Variants in CLTCL1 observed in about 807,000 individuals in gnomAD.
CLTCL1 encodes the protein clathrin heavy chain like 1, also known as clathrin heavy chain 2.
In CLTCL1, 159 loss-of-function variants were observed where a neutral mutation model predicts 190.0. The observed-to-expected ratio is 0.84, with a 90% CI of 0.74 to 0.95. The LOEUF (loss-of-function observed/expected upper bound fraction) is 0.95. Among genes scored for constraint, CLTCL1 ranks in the 40% least tolerant of loss-of-function variants. The pLI is 0.00. For synonymous variants in CLTCL1, 752 were observed against 769.6 expected (o/e 0.98, Z 0.38); for missense variants, 1,878 against 2,033.4 (o/e 0.92, Z 1.47).
intron 22 of CLTCL1, among the ~76,000 whole-genome samples, chr22:19,207,297 A>G (rs887044402): frequency 7.9e-5 from 12 of 152,268 alleles, no homozygotes; most frequent in Admixed American, 7.8e-4. Context: ...GATTACAGGC[A>G]TGAGCCACCA....
chr22:19,238,030 A>G (rs1473817430), intron 5 of CLTCL1, among the ~76,000 whole-genome samples: 1 of 152,220 alleles, frequency 6.6e-6, no homozygotes, highest in Non-Finnish European at 1.5e-5. Flanking sequence ...GAAAAGGTAT[A>G]GATCTAAATT....
Position 19,233,623 on chromosome 22 carries a change from C to CT in CLTCL1, c.1168-2dup, listed in dbSNP as rs782466630. The stretch of plus-strand genomic sequence containing the variant: ...CCGTCTCTCTGGTACGCAGGATTCC[C>CT]TAATAATAAATGGAAAAATAGGTCA... On this transcript the variant is annotated splice_acceptor_variant, in intron 7 of 32. Coordinates refer to ENST00000427926, the MANE Select transcript of CLTCL1 (RefSeq NM_007098.4). LOFTEE classifies it high-confidence loss of function. The CT allele has an allele frequency of 6.2e-7, 1 of 1,612,378 alleles. No homozygotes were observed. The highest frequency in any genetic ancestry group is 2.2e-5 in the East Asian group (1 of 44,880).
chr22:19,264,607 G>A (rs886241446), intron 2 of CLTCL1, among the ~76,000 whole-genome samples: 9 of 152,214 alleles, frequency 5.9e-5, no homozygotes, highest in South Asian at 2.1e-4. Context: ...GCCAAGCTAC[G>A]CAACAACTGA....
chr22:19,264,639 A>T (rs557060037), intron 2 of CLTCL1, among the ~76,000 whole-genome samples: 8 of 152,210 alleles, frequency 5.3e-5, no homozygotes, highest in Non-Finnish European at 1.0e-4. Context: ...TATTATCATC[A>T]ATTAGCAAAA....
At chr22:19,274,952 C>T (rs2087449149) in intron 2 of CLTCL1, among the ~76,000 whole-genome samples, 1 of 152,028 alleles carries the variant, frequency 6.6e-6, no homozygotes, top group South Asian at 2.1e-4. Flanking sequence ...AGTCTTCGAA[C>T]TCCCAACCTC....
At position 19,229,910 on chromosome 22, in the gene CLTCL1, C is replaced by A. The variant is rs1012980126; in HGVS notation, c.1710G>T (p.Leu570Phe). 1 of 1,611,488 alleles carries A rather than the reference C, an allele frequency of 6.2e-7. No individual in the cohort carries two copies. Among genetic ancestry groups the A allele is most frequent in the African/African-American group, 1.3e-5 (1 of 74,764 alleles). The change falls in exon 11 of 33, where the codon TTG becomes TTT. Residue 570 changes from leucine to phenylalanine, a missense_variant. Physicochemically the swap from Leu to Phe is conservative, Grantham distance 22 (BLOSUM62 0). Transcript: ENST00000427926. ...GTCCCTCAGCTGGGCGATTATTCTTCAAGGCATCCAATAAGAAGGAAGTAC... is the reference window on the plus strand; with the variant it reads ...GTCCCTCAGCTGGGCGATTATTCTTAAAGGCATCCAATAAGAAGGAAGTAC... ...QQCTSFLLDA[L>F]KNNRPAEGLL...
intron 23 of CLTCL1, among the ~76,000 whole-genome samples, chr22:19,200,669 A>T (rs2084853552): frequency 6.6e-6 from 1 of 151,914 alleles, no homozygotes. Context: ...TGAAACCCCG[A>T]CTCTACTAAA....
intron 27 of CLTCL1, among the ~76,000 whole-genome samples, chr22:19,190,592 G>A (rs2084459682): frequency 3.6e-5 from 2 of 56,004 alleles, no homozygotes; most frequent in African/African-American, 1.1e-4. Flanking sequence ...GAGCAAGACT[G>A]TCTCAAAAAA....
At chr22:19,279,488 AT>A (rs1177418496) in intron 1 of CLTCL1, among the ~76,000 whole-genome samples, 7 of 152,160 alleles carry the variant, frequency 4.6e-5, no homozygotes, top group African/African-American at 1.4e-4. Flanking sequence ...TCCCCTCCAA[AT>A]TCTACAACAT....
At chr22:19,277,375 A>G (rs2087552949) in intron 1 of CLTCL1, among the ~76,000 whole-genome samples, 1 of 152,216 alleles carries the variant, frequency 6.6e-6, no homozygotes, top group African/African-American at 2.4e-5. Flanking sequence ...CTGATTAATG[A>G]TGGAGCCAGG....
At chr22:19,229,181 G>T (rs868938990) in intron 11 of CLTCL1, among the ~76,000 whole-genome samples, 87 of 152,280 alleles carry the variant, frequency 5.7e-4, no homozygotes, top group African/African-American at 1.9e-3. Context: ...AAAGGTAGAA[G>T]CAACCCAAAT....
rs1464107683 is a variant in CLTCL1 at position 19,179,580 on chromosome 22, G to C, written c.*410C>G. 1 of 155,496 alleles carries C rather than the reference G, an allele frequency of 6.4e-6. No homozygotes were observed. The highest frequency in any genetic ancestry group is 2.4e-5 in the African/African-American group (1 of 41,480). 9.6% of individuals were successfully genotyped at this position (155,496 alleles called of 1,614,324 possible). A position where few individuals can be genotyped will look rare whatever the true frequency, so the allele number is the denominator to read the frequency against. ...GACGTGTTCATGTAGTCTTCAAACT[G>C]GCCTGGAGGGGGCAGCTCCAGCCAG... is the stretch of plus-strand genomic sequence containing the variant. On this transcript the variant is annotated 3_prime_UTR_variant, in exon 33 of 33. Coordinates refer to ENST00000427926, the MANE Select transcript of CLTCL1 (RefSeq NM_007098.4).
chr22:19,258,947 AT>A, intron 2 of CLTCL1: 3 of 358,382 alleles, frequency 8.4e-6, no homozygotes, highest in Non-Finnish European at 1.0e-5. Context: ...TCTTGCAATG[AT>A]TTTTTTGGAT....
intron 28 of CLTCL1, 56 bp downstream of exon 28, chr22:19,187,925 A>C: frequency 6.5e-7 from 1 of 1,527,276 alleles, no homozygotes; most frequent in Non-Finnish European, 9.1e-7. Flanking sequence ...ACAGAATGGC[A>C]GTTGCAGGGG....
rs143203239 is a variant in CLTCL1 at position 19,232,175 on chromosome 22, G to A, written c.1644+301C>T. 6.0e-4 allele frequency among the ~76,000 whole-genome samples: 91 copies of A among 152,210 alleles called. 3 individuals are homozygous for A. The East Asian group carries it at 0.016, about 27-fold the overall frequency. ...GAGAGACAATGATGTAGTAACTGGG[G>A]TGGGCCACGGGATGGAGGGCTGGAA... On this transcript the variant is annotated intron_variant, in intron 10 of 32. Transcript: ENST00000427926.
At position 19,243,492 on chromosome 22, in the gene CLTCL1, G is replaced by A. The variant is rs577461743; in HGVS notation, c.520-556C>T. Among the ~76,000 whole-genome samples, 73 of 152,022 alleles carry A rather than the reference G, an allele frequency of 4.8e-4. 1 individual carries two copies. The highest frequency in any genetic ancestry group is 5.6e-4 in the Non-Finnish European group (38 of 67,978). On this transcript the variant is annotated intron_variant, in intron 3 of 32. Coordinates refer to ENST00000427926, the MANE Select transcript of CLTCL1 (RefSeq NM_007098.4). ...AAATTAGCTGGTCATGGTGGCATGC[G>A]CCTGTTGTCTTAGCTACTCGGGAGG... is the stretch of plus-strand genomic sequence containing the variant.
intron 17 of CLTCL1, 83 bp downstream of exon 17, chr22:19,221,294 G>A (rs1420164840): frequency 2.6e-5 from 27 of 1,058,526 alleles, no homozygotes; most frequent in Non-Finnish European, 3.5e-5. Flanking sequence ...AGAAAGCCCT[G>A]ATCAGCTCCC....
intron 14 of CLTCL1, among the ~76,000 whole-genome samples, 160 bp from the exon 15 acceptor site, chr22:19,222,969 G>T (rs1298200817): frequency 2.0e-5 from 3 of 152,180 alleles, no homozygotes; most frequent in African/African-American, 7.2e-5. Context: ...TTTGTGGTAT[G>T]GCATTTGCTT....
At position 19,222,764 on chromosome 22, in the gene CLTCL1, G is replaced by A. The variant is rs1555953364; in HGVS notation, c.2338C>T (p.Arg780Cys). 6 of 1,600,522 alleles carry A rather than the reference G, an allele frequency of 3.7e-6. No homozygotes were observed. Among genetic ancestry groups the A allele is most frequent in the South Asian group, 1.1e-5 (1 of 88,272 alleles). Residue 780 changes from arginine to cysteine, a missense_variant, in exon 15 of 33, where the codon CGT becomes TGT. Transcript: ENST00000427926. The stretch of plus-strand genomic sequence containing the variant: ...ACAAGGTCATGGACAAAGCCAAAAC[G>A]ATCACACACGATGATGAGGGGAAGC... Reference protein sequence around the residue: ...DQLPLIIVCDRFGFVHDLVLY... With the variant: ...DQLPLIIVCDCFGFVHDLVLY...
Sources: allele counts gnomAD v4.1 joint callset (sites outside exome capture counted in the v4.1 genomes callset), GRCh38; gene constraint gnomAD v4.1.1; transcripts MANE v1.5; gene names NCBI Gene and HGNC (gene_info 2026-07-23, HGNC 2026-07-21).